The following STXBP5L variants were observed in gnomAD, a reference collection of about 807,000 sequenced individuals.
STXBP5L encodes syntaxin binding protein 5L.
STXBP5L carries 65 observed loss-of-function variants against 144.5 expected under a neutral mutation model. The observed-to-expected ratio is 0.45, with a 90% CI of 0.37 to 0.55. STXBP5L has a LOEUF of 0.55. Among genes scored for constraint, STXBP5L ranks in the 20% least tolerant of loss-of-function variants. The pLI, the probability that STXBP5L is intolerant of heterozygous loss-of-function variation, is 0.00. For missense variants in STXBP5L, 1,298 were observed against 1,405.5 expected, an observed-to-expected ratio of 0.92 and a Z score of 1.22; for synonymous variants, 505 against 469.6, an observed-to-expected ratio of 1.08 and a Z score of -0.97.
intron 3 of STXBP5L, among the ~76,000 whole-genome samples, chr3:120,994,678 G>C (rs1178170786): frequency 6.6e-6 from 1 of 151,990 alleles, no homozygotes; most frequent in Admixed American, 6.6e-5. Context: ...GTTTAATTGG[G>C]TTTGCTAGTA....
intron 10 of STXBP5L, among the ~76,000 whole-genome samples, chr3:121,219,892 A>G (rs1559878957): frequency 1.3e-5 from 2 of 152,172 alleles, no homozygotes; most frequent in Admixed American, 6.6e-5. Context: ...AGCATTTAAT[A>G]TTTATTATGT....
chr3:121,388,217 G>A (rs1268503617), intron 22 of STXBP5L, among the ~76,000 whole-genome samples: 1 of 152,140 alleles, frequency 6.6e-6, no homozygotes, highest in Non-Finnish European at 1.5e-5. Flanking sequence ...TTGCTGTATA[G>A]GAATGTCTGT....
intron 22 of STXBP5L, among the ~76,000 whole-genome samples, 169 bp downstream of exon 22, chr3:121,381,701 T>A (rs1226522208): frequency 6.6e-6 from 1 of 152,182 alleles, no homozygotes; most frequent in Non-Finnish European, 1.5e-5. Flanking sequence ...TCTGTCATGT[T>A]GTAACTTTCC....
intron 2 of STXBP5L, among the ~76,000 whole-genome samples, chr3:120,953,199 A>T (rs1576475543): frequency 6.6e-6 from 1 of 152,242 alleles, no homozygotes; most frequent in East Asian, 1.9e-4. Flanking sequence ...GAGCTGTTGA[A>T]CAAATATGAT....
intron 5 of STXBP5L, among the ~76,000 whole-genome samples, chr3:121,082,275 A>C (rs1560104413): frequency 6.6e-6 from 1 of 151,488 alleles, no homozygotes; most frequent in East Asian, 1.9e-4. Flanking sequence ...ATTTACTTAG[A>C]TCTTCTTTGA....
chr3:121,183,625 G>A (rs755674021), intron 9 of STXBP5L, among the ~76,000 whole-genome samples: 23 of 150,782 alleles, frequency 1.5e-4, no homozygotes, highest in Non-Finnish European at 2.8e-4. Context: ...AAGAAAGGAA[G>A]GGAGGGAGGA....
chr3:120,909,400 GA>G (rs1708707493), intron 1 of STXBP5L, among the ~76,000 whole-genome samples, 170 bp from the exon 2 acceptor site: 1 of 152,098 alleles, frequency 6.6e-6, no homozygotes, highest in African/African-American at 2.4e-5. Context: ...ATGCTTTTTA[GA>G]ATTAAAATTT....
intron 5 of STXBP5L, among the ~76,000 whole-genome samples, chr3:121,087,473 A>T (rs1041680679): frequency 1.3e-5 from 2 of 151,984 alleles, no homozygotes; most frequent in African/African-American, 2.4e-5. Context: ...AATTTTCATT[A>T]TCTAACATAA....
chr3:120,977,176 G>A (rs1253088851), intron 3 of STXBP5L, among the ~76,000 whole-genome samples: 2 of 152,196 alleles, frequency 1.3e-5, no homozygotes, highest in Non-Finnish European at 2.9e-5. Context: ...TTGTGTGGGA[G>A]TCTAAGTCTC....
intron 12 of STXBP5L, 72 bp downstream of exon 12, chr3:121,233,760 T>C (rs1258094350): frequency 1.1e-5 from 13 of 1,159,900 alleles, no homozygotes; most frequent in South Asian, 1.5e-5. Context: ...TGTATTCTTT[T>C]GATAGGAAGT....
At chr3:120,973,835 T>A (rs941612914) in intron 3 of STXBP5L, among the ~76,000 whole-genome samples, 1 of 152,134 alleles carries the variant, frequency 6.6e-6, no homozygotes, top group African/African-American at 2.4e-5. Flanking sequence ...AGAATGATGA[T>A]TTCCAATTTC....
chr3:121,103,934 G>A (rs1182199925), intron 5 of STXBP5L, among the ~76,000 whole-genome samples: 1 of 152,052 alleles, frequency 6.6e-6, no homozygotes, highest in Non-Finnish European at 1.5e-5. Flanking sequence ...TATTACGTAA[G>A]TGAACGAAAA....
At chr3:121,141,094 T>C (rs2107939462) in intron 7 of STXBP5L, among the ~76,000 whole-genome samples, 1 of 152,228 alleles carries the variant, frequency 6.6e-6, no homozygotes, top group South Asian at 2.1e-4. Flanking sequence ...TAAACAGCAA[T>C]GCAATAGCAG....
At chr3:120,931,851 T>C (rs1304424002) in intron 2 of STXBP5L, among the ~76,000 whole-genome samples, 1 of 152,190 alleles carries the variant, frequency 6.6e-6, no homozygotes, top group Non-Finnish European at 1.5e-5. Context: ...TATGTAATTG[T>C]TGGATAACAG....
intron 2 of STXBP5L, among the ~76,000 whole-genome samples, chr3:120,935,780 G>GTT (rs149871182): frequency 8.7e-5 from 13 of 150,222 alleles, no homozygotes; most frequent in African/African-American, 2.2e-4. Flanking sequence ...GTTTTTCTGC[G>GTT]TTTTTTTTTA....
At chr3:121,143,213 C>G (rs1468251443) in intron 7 of STXBP5L, among the ~76,000 whole-genome samples, 2 of 150,702 alleles carry the variant, frequency 1.3e-5, no homozygotes, top group African/African-American at 4.9e-5. Context: ...AATGAAAAAC[C>G]TTTTAACGAG....
chr3:121,364,042 G>T (rs1280962412), intron 20 of STXBP5L, among the ~76,000 whole-genome samples: 1 of 152,080 alleles, frequency 6.6e-6, no homozygotes, highest in Non-Finnish European at 1.5e-5. Context: ...AAATGTTTAT[G>T]AAGTCCAGTT....
chr3:121,367,422 A>T (rs1046910408), intron 20 of STXBP5L, among the ~76,000 whole-genome samples: 16 of 151,424 alleles, frequency 1.1e-4, no homozygotes, highest in South Asian at 6.3e-4. Context: ...CTTGGTTGAA[A>T]TTTTTTTTCC....
At position 120,972,950 on chromosome 3, in the gene STXBP5L, T is replaced by C. The variant is rs192377620; in HGVS notation, c.287+17913T>C. ...CTATTGTGGTGTATTATCTTCTTGA[T>C]GTGCTGTTGAATTTGGTTTGCTACT... On this transcript the variant is annotated intron_variant, in intron 3 of 26. Transcript: ENST00000471454. Among the ~76,000 whole-genome samples the C allele has an allele frequency of 3.9e-3, 593 of 152,272 alleles. 2 individuals are homozygous for C. The highest frequency in any genetic ancestry group is 3.7e-3 in the Non-Finnish European group (249 of 67,998).
Sources: gnomAD v4.1 joint callset for allele counts (sites outside exome capture counted in the v4.1 genomes callset) on GRCh38, gnomAD v4.1.1 for gene constraint, MANE v1.5 for transcripts, NCBI Gene and HGNC (gene_info 2026-07-23, HGNC 2026-07-21) for gene names.